The following TPGS2 variants were observed in gnomAD, a reference collection of about 807,000 sequenced individuals.
TPGS2 encodes the protein polyglutamylase subunit 2.
TPGS2 carries 26 observed loss-of-function variants against 31.1 expected under a neutral mutation model. The observed-to-expected ratio is 0.84, with a 90% confidence interval of 0.61 to 1.16. TPGS2 has a LOEUF of 1.16. Among genes scored for constraint, TPGS2 ranks in the 50% most tolerant of loss-of-function variants. The pLI is 0.00. For missense variants in TPGS2, 351 were observed against 363.8 expected, an observed-to-expected ratio of 0.96 and a Z score of 0.29; for synonymous variants, 130 against 136.6, an observed-to-expected ratio of 0.95 and a Z score of 0.34.
At chr18:36,825,143 A>G (rs2046072755) in intron 1 of TPGS2, among the ~76,000 whole-genome samples, 2 of 152,202 alleles carry the variant, frequency 1.3e-5, no homozygotes, top group African/African-American at 2.4e-5. Flanking sequence ...TCAAAAATCA[A>G]TGAATCAGGC....
chr18:36,792,787 A>G (rs2044360815), downstream of TPGS2, among the ~76,000 whole-genome samples: 1 of 152,088 alleles, frequency 6.6e-6, no homozygotes, highest in African/African-American at 2.4e-5. Flanking sequence ...TTTCATTCCT[A>G]TCTTTGGCTT....
Position 36,798,558 on chromosome 18 carries a change from T to C in TPGS2, c.548A>G (p.His183Arg), listed in dbSNP as rs1212192176. 1.2e-6 allele frequency: 2 copies of C among 1,614,186 alleles called. No individual in the cohort carries two copies. The highest frequency in any genetic ancestry group is 2.2e-5 in the East Asian group (1 of 44,876). Residue 183 changes from histidine to arginine, a missense_variant, in exon 6 of 7, where the codon CAT becomes CGT. Physicochemically the swap from His to Arg is conservative, Grantham distance 29 (BLOSUM62 0). Transcript: ENST00000334295. ...IWFLDRALYW[H>R]FLTDTFTAYY... ...GGCAGTAAAGGTGTCTGTGAGAAAA[T>C]GCCAGTATAACGCTCTGTCCAGGAA...
downstream of TPGS2, among the ~76,000 whole-genome samples, chr18:36,780,934 C>T (rs1361665822): frequency 6.6e-6 from 1 of 152,192 alleles, no homozygotes; most frequent in Non-Finnish European, 1.5e-5. Context: ...TTTACACCAG[C>T]ATCACCACAA....
At chr18:36,790,914 T>C (rs1367240284), downstream of TPGS2, among the ~76,000 whole-genome samples, 1 of 152,196 alleles carries the variant, frequency 6.6e-6, no homozygotes, top group Non-Finnish European at 1.5e-5. Flanking sequence ...CAGAGTAACA[T>C]GAAGTCCCCA....
intron 2 of TPGS2, among the ~76,000 whole-genome samples, chr18:36,815,550 C>T (rs1366126748): frequency 6.6e-6 from 1 of 152,118 alleles, no homozygotes; most frequent in Non-Finnish European, 1.5e-5. Context: ...CTACCCTCCA[C>T]CCACACACAT....
intron 1 of TPGS2, chr18:36,823,902 C>A: frequency 1.0e-6 from 1 of 974,512 alleles, no homozygotes; most frequent in Non-Finnish European, 1.2e-6. Flanking sequence ...TCTAATAGTA[C>A]CGTGTTTAGA....
intron 6 of TPGS2, among the ~76,000 whole-genome samples, chr18:36,797,768 G>A (rs1169790137): frequency 6.6e-6 from 1 of 151,624 alleles, no homozygotes; most frequent in East Asian, 1.9e-4. Flanking sequence ...AGTTTTTCCA[G>A]CCACACTTGG....
downstream of TPGS2, among the ~76,000 whole-genome samples, chr18:36,782,692 T>C (rs893193087): frequency 2.0e-5 from 3 of 152,170 alleles, no homozygotes; most frequent in Admixed American, 6.5e-5. Context: ...TTAATCACTA[T>C]CAATTAACTG....
chr18:36,780,872 T>G (rs2043993176), downstream of TPGS2, among the ~76,000 whole-genome samples: 1 of 152,168 alleles, frequency 6.6e-6, no homozygotes, highest in African/African-American at 2.4e-5. Flanking sequence ...TGAGTCAATG[T>G]GAAGGCCTGG....
At chr18:36,812,290 G>C (rs1212722690) in intron 2 of TPGS2, among the ~76,000 whole-genome samples, 1 of 152,172 alleles carries the variant, frequency 6.6e-6, no homozygotes, top group African/African-American at 2.4e-5. Context: ...GCTGCAGGAT[G>C]GGGGATGATC....
chr18:36,809,776 A>G (rs2045333064), intron 2 of TPGS2, among the ~76,000 whole-genome samples: 1 of 152,180 alleles, frequency 6.6e-6, no homozygotes, highest in African/African-American at 2.4e-5. Context: ...GAAGACAAGG[A>G]AACTACTGTC....
intron 5 of TPGS2, among the ~76,000 whole-genome samples, chr18:36,798,925 C>A (rs2044667827): frequency 6.6e-6 from 1 of 152,138 alleles, no homozygotes; most frequent in Admixed American, 6.5e-5. Context: ...CATAGCATTC[C>A]CCTCCCCCGG....
intron 4 of TPGS2, among the ~76,000 whole-genome samples, chr18:36,804,824 T>A (rs745555722): frequency 6.6e-6 from 1 of 152,176 alleles, no homozygotes; most frequent in Non-Finnish European, 1.5e-5. Context: ...GTTTTCTTGA[T>A]CAAAAGGGAG....
downstream of TPGS2, among the ~76,000 whole-genome samples, chr18:36,782,140 A>G (rs773468342): frequency 2.0e-5 from 3 of 152,226 alleles, no homozygotes; most frequent in Admixed American, 6.5e-5. Flanking sequence ...AAATATGTCA[A>G]TGTCCTCCTG....
downstream of TPGS2, among the ~76,000 whole-genome samples, chr18:36,780,817 G>C (rs897714524): frequency 6.6e-6 from 1 of 152,192 alleles, no homozygotes; most frequent in Admixed American, 6.5e-5. Flanking sequence ...CACTTATTAT[G>C]AATGGAGCTT....
chr18:36,805,018 T>A (rs983447486), intron 4 of TPGS2, among the ~76,000 whole-genome samples: 7 of 152,180 alleles, frequency 4.6e-5, no homozygotes, highest in Admixed American at 6.5e-5. Context: ...AGTTCCAGAT[T>A]TCTTGTTATG....
intron 4 of TPGS2, among the ~76,000 whole-genome samples, chr18:36,802,604 G>A (rs1029643734): frequency 2.6e-5 from 4 of 151,874 alleles, no homozygotes; most frequent in South Asian, 2.1e-4. Context: ...ATCTAATAAC[G>A]TCACTCTTAG....
chr18:36,826,742 C>T (rs1048487065), intron 1 of TPGS2, among the ~76,000 whole-genome samples: 2 of 152,100 alleles, frequency 1.3e-5, no homozygotes, highest in Non-Finnish European at 2.9e-5. Context: ...GTAATCCTTG[C>T]GTCAAATCAT....
intron 4 of TPGS2, among the ~76,000 whole-genome samples, chr18:36,803,772 T>C (rs914066172): frequency 6.6e-6 from 1 of 152,334 alleles, no homozygotes; most frequent in East Asian, 1.9e-4. Flanking sequence ...ATGTAGTCAA[T>C]TGTTTGAGAA....
Sources: allele counts gnomAD v4.1 joint callset (sites outside exome capture counted in the v4.1 genomes callset), GRCh38; gene constraint gnomAD v4.1.1; transcripts MANE v1.5; gene names NCBI Gene and HGNC (gene_info 2026-07-23, HGNC 2026-07-21).